PPL: variants seen among roughly 807,000 people sequenced by gnomAD.
PPL encodes the protein periplakin.
Under a neutral mutation model 194.4 loss-of-function variants are expected in PPL, and 198 were observed. The ratio of observed to expected loss-of-function variants is 1.02; its 90% confidence interval spans 0.91 to 1.15. The LOEUF is 1.15. Among genes scored for constraint, PPL ranks in the 50% most tolerant of loss-of-function variants. The probability of loss-of-function intolerance (pLI) is 0.00; values close to 1 mark genes in which losing one functional copy is unlikely to be tolerated. For missense variants in PPL, 2,885 were observed against 2,294.8 expected (o/e 1.26, Z -5.25); for synonymous variants, 1,220 against 972.4 (o/e 1.25, Z -4.74).
intron 1 of PPL, among the ~76,000 whole-genome samples, chr16:4,933,511 G>C (rs890813884): frequency 3.9e-5 from 6 of 152,154 alleles, no homozygotes; most frequent in African/African-American, 1.4e-4. Context: ...CCCCGTGACA[G>C]GTCAGATGCC....
Position 4,885,131 on chromosome 16 carries a change from C to G in PPL, c.3524G>C (p.Arg1175Pro), listed in dbSNP as rs141911206. ...CTTGGGGTCTGGCCGCACGATCTCC[C>G]GCACCTTCTCCTGCACCACCACTTT... The part of the protein sequence containing the change: ...NAKVVVQEKV[R>P]EIVRPDPKAE... Residue 1175 changes from arginine (R) to proline (P), a missense_variant, in exon 22 of 22, where the codon CGG (arginine) becomes CCG (proline). Coordinates refer to ENST00000345988, the MANE Select transcript of PPL (RefSeq NM_002705.5). This position sits in a 1 kb window ranked among gnomAD's most constrained non-coding sequence, Gnocchi z 6.3. The G allele has an allele frequency of 1.2e-6, 2 of 1,614,004 alleles. No individual in the cohort carries two copies. Among genetic ancestry groups the G allele is most frequent in the Non-Finnish European group, 1.7e-6 (2 of 1,180,010 alleles).
chr16:4,922,156 G>A (rs911979533), intron 1 of PPL, among the ~76,000 whole-genome samples: 45 of 152,294 alleles, frequency 3.0e-4, no homozygotes, highest in Non-Finnish European at 2.8e-4. Flanking sequence ...GTCAAATCCT[G>A]CCTCTGCTCT....
intron 16 of PPL, 72 bp from the exon 17 acceptor site, chr16:4,890,993 A>G (rs760118): frequency 0.55 from 751,595 of 1,360,946 alleles, 209,283 homozygotes; most frequent in East Asian, 0.65. Flanking sequence ...CACCCACTGA[A>G]GCCCCTGGGC....
chr16:4,915,777 C>A (rs2088904800), intron 1 of PPL, among the ~76,000 whole-genome samples: 1 of 152,186 alleles, frequency 6.6e-6, no homozygotes, highest in African/African-American at 2.4e-5. Context: ...ACCCTGAGAG[C>A]TGGGTGTTAG....
intron 2 of PPL, among the ~76,000 whole-genome samples, chr16:4,906,895 G>A (rs905146683): frequency 2.0e-5 from 3 of 152,150 alleles, no homozygotes; most frequent in Admixed American, 1.3e-4. Flanking sequence ...TGAAGTCTGC[G>A]AATGTAGACA....
chr16:4,892,534 C>T (rs1405350487), intron 14 of PPL, among the ~76,000 whole-genome samples: 4 of 152,180 alleles, frequency 2.6e-5, no homozygotes, highest in Admixed American at 1.3e-4. Context: ...GTGAGTACTA[C>T]GACTCCACCC....
chr16:4,903,827 C>G, intron 3 of PPL, 59 bp downstream of exon 3: 1 of 1,595,918 alleles, frequency 6.3e-7, no homozygotes, highest in Non-Finnish European at 8.5e-7. Flanking sequence ...AACAGGACCC[C>G]CCGCCCTGGC....
chr16:4,888,618 C>T lies in PPL; in HGVS notation c.2397+360G>A, dbSNP rs533243581. Reference sequence around the variant, plus strand: ...CATCAGGTGGATGTGTGCTGATTCACGCAGCTTTCCCCTTCCACTGGACAC... The same window carrying T: ...CATCAGGTGGATGTGTGCTGATTCATGCAGCTTTCCCCTTCCACTGGACAC... On this transcript the variant is annotated intron_variant, in intron 19 of 21. Transcript: ENST00000345988. The T allele has an allele frequency of 3.7e-5, 12 of 326,464 alleles. 1 individual carries two copies. The highest frequency in any genetic ancestry group is 2.5e-4 in the South Asian group (4 of 16,206). The allele number at this position is 326,464 out of a possible 1,614,324, so 20.2% of individuals were successfully genotyped here.
intron 16 of PPL, chr16:4,891,589 T>G: frequency 1.9e-6 from 1 of 533,604 alleles, no homozygotes; most frequent in Non-Finnish European, 3.2e-6. Flanking sequence ...TTGCAGATAT[T>G]TGATCTTAAA....
At chr16:4,936,894 C>T (rs1431768930) in intron 1 of PPL, 90 bp downstream of exon 1, 5 of 1,322,546 alleles carry the variant, frequency 3.8e-6, no homozygotes, top group Non-Finnish European at 5.1e-6. Context: ...CCCGTACCCC[C>T]CATTCCTACA....
chr16:4,924,904 C>T (rs958373006), intron 1 of PPL, among the ~76,000 whole-genome samples: 4 of 152,238 alleles, frequency 2.6e-5, no homozygotes, highest in African/African-American at 7.2e-5. Context: ...ATCACCTCCA[C>T]CCCAGCTGTC....
At chr16:4,904,102 G>A in intron 2 of PPL, 62 bp from the exon 3 acceptor site, 1 of 1,524,986 alleles carries the variant, frequency 6.6e-7, no homozygotes. Context: ...GGTGGCAATG[G>A]GAGGGGTGGG....
chr16:4,930,801 G>T (rs1381404695), intron 1 of PPL, among the ~76,000 whole-genome samples: 1 of 152,222 alleles, frequency 6.6e-6, no homozygotes, highest in Non-Finnish European at 1.5e-5. Flanking sequence ...CAGAGGGAAA[G>T]GCCTTGTGGC....
rs746738800 is a variant in PPL at position 4,895,598 on chromosome 16, A to G, written c.1091T>C (p.Leu364Pro). Residue 364 changes from leucine (L) to proline (P), a missense_variant, in exon 10 of 22, where the codon CTG (leucine) becomes CCG (proline). Transcript: ENST00000345988. ...GGGTCCTGGGCCATCGCTCACATCC[A>G]GCTCCCGCAGCAGCAGCTCAATCTG... ...RYQIELLLRE[L>P]DDQEKVLDKY... 6.2e-7 allele frequency: 1 copy of G among 1,613,908 alleles called. No individual in the cohort carries two copies. The highest frequency in any genetic ancestry group is 1.1e-5 in the South Asian group (1 of 91,082).
chr16:4,893,005 G>A (rs867472362), intron 14 of PPL: 3 of 588,446 alleles, frequency 5.1e-6, no homozygotes, highest in East Asian at 3.1e-5. Context: ...AACAATGCAA[G>A]TCCTGCCAGC....
chr16:4,904,118 A>C (rs1253965480), intron 2 of PPL, 78 bp from the exon 3 acceptor site: 10 of 1,427,930 alleles, frequency 7.0e-6, no homozygotes, highest in Non-Finnish European at 1.9e-6. Flanking sequence ...GTGGGAGGAA[A>C]GGGGTCAGCA....
At chr16:4,900,752 T>C (rs1408096770) in intron 6 of PPL, 78 bp downstream of exon 6, 1 of 1,590,084 alleles carries the variant, frequency 6.3e-7, no homozygotes, top group Non-Finnish European at 8.6e-7. Context: ...TTTAAAACAA[T>C]ACATCCTTGT....
intron 1 of PPL, among the ~76,000 whole-genome samples, chr16:4,920,325 A>AAGAAAGAAAGAGAGAGAGAG (rs2089016579): frequency 1.6e-5 from 1 of 63,528 alleles, no homozygotes; most frequent in Non-Finnish European, 4.9e-5. Flanking sequence ...AAAGAAAAGA[A>AAGAAAGAAAGAGAGAGAGAG]AGAAAGAAAG....
At chr16:4,925,888 C>A (rs1483471998) in intron 1 of PPL, among the ~76,000 whole-genome samples, 1 of 152,200 alleles carries the variant, frequency 6.6e-6, no homozygotes, top group Non-Finnish European at 1.5e-5. Context: ...AGGCATTCAC[C>A]ACCCAGGGAA....
Sources: allele counts gnomAD v4.1 joint callset (sites outside exome capture counted in the v4.1 genomes callset), GRCh38; gene constraint gnomAD v4.1.1; non-coding constraint Gnocchi (gnomAD v3.1); transcripts MANE v1.5; gene names NCBI Gene and HGNC (gene_info 2026-07-23, HGNC 2026-07-21).